PAG1: variants seen among roughly 807,000 people sequenced by gnomAD.
PAG1 encodes the protein phosphoprotein membrane anchor with glycosphingolipid microdomains 1, also known as phosphoprotein associated with glycosphingolipid-enriched microdomains 1.
Under a neutral mutation model 31.7 loss-of-function variants are expected in PAG1, and 23 were observed. The ratio of observed to expected loss-of-function variants is 0.73; its 90% CI spans 0.52 to 1.03. The LOEUF (loss-of-function observed/expected upper bound fraction) is 1.03. Ranked by LOEUF, PAG1 falls within the 50% of genes least tolerant of loss-of-function variation. The pLI is 0.00. For missense variants in PAG1, 473 were observed against 540.7 expected, an observed-to-expected ratio of 0.87 and a Z score of 1.24; for synonymous variants, 214 against 210.3, an observed-to-expected ratio of 1.02 and a Z score of -0.15.
chr8:81,007,635 T>TTAA (rs1230376855), intron 3 of PAG1, among the ~76,000 whole-genome samples: 1 of 10,144 alleles, frequency 9.9e-5, no homozygotes, highest in Non-Finnish European at 2.4e-4. Flanking sequence ...AGACTCTGTC[T>TTAA]CAAAAAAAAA....
intron 1 of PAG1, among the ~76,000 whole-genome samples, chr8:81,097,186 G>T (rs1317018238): frequency 6.6e-6 from 1 of 152,160 alleles, no homozygotes; most frequent in Admixed American, 6.5e-5. Flanking sequence ...AAATTACTGG[G>T]GGTGGGCCCT....
intron 2 of PAG1, among the ~76,000 whole-genome samples, chr8:81,035,027 C>T (rs1808440314): frequency 6.6e-6 from 1 of 152,074 alleles, no homozygotes; most frequent in African/African-American, 2.4e-5. Context: ...GGAAATAACC[C>T]TTATTTGGGT....
chr8:81,105,323 T>C (rs566678066), intron 1 of PAG1, among the ~76,000 whole-genome samples: 19 of 152,316 alleles, frequency 1.2e-4, no homozygotes, highest in Admixed American at 2.0e-4. Flanking sequence ...CATATTAATA[T>C]ATATCTGGTG....
At chr8:80,989,352 G>A (rs1353805566) in intron 5 of PAG1, among the ~76,000 whole-genome samples, 3 of 152,148 alleles carry the variant, frequency 2.0e-5, no homozygotes, top group African/African-American at 7.2e-5. Context: ...CAGCATAATC[G>A]ATCACAGCTG....
At chr8:81,025,934 C>A (rs952897320) in intron 3 of PAG1, among the ~76,000 whole-genome samples, 8 of 152,066 alleles carry the variant, frequency 5.3e-5, no homozygotes, top group African/African-American at 1.9e-4. Flanking sequence ...CCTAAAGGGG[C>A]CTGACAGTTA....
intron 3 of PAG1, among the ~76,000 whole-genome samples, chr8:80,997,665 C>T (rs1807707334): frequency 6.6e-6 from 1 of 152,214 alleles, no homozygotes; most frequent in African/African-American, 2.4e-5. Flanking sequence ...GTTAACTCTA[C>T]TAACACTTAA....
At chr8:81,098,935 GTC>G (rs963251581) in intron 1 of PAG1, among the ~76,000 whole-genome samples, 45 of 152,176 alleles carry the variant, frequency 3.0e-4, no homozygotes, top group African/African-American at 1.1e-3. Context: ...CACTGAGGCA[GTC>G]TCACAAACCT....
At position 81,072,979 on chromosome 8, in the gene PAG1, C is replaced by T. The variant is rs560992410; in HGVS notation, c.-233-2809G>A. On this transcript the variant is annotated intron_variant, in intron 1 of 8. Transcript: ENST00000220597. Reference sequence around the variant, plus strand: ...TGACAATGTTATTAAAAGCAGAACTCCTCAAAATAAAATAAGAAGTATTGC... The same window carrying T: ...TGACAATGTTATTAAAAGCAGAACTTCTCAAAATAAAATAAGAAGTATTGC... Among the ~76,000 whole-genome samples the T allele has an allele frequency of 8.5e-5, 13 of 152,322 alleles. No individual in the cohort carries two copies. The South Asian group carries it at 2.7e-3, about 32-fold the overall frequency.
intron 3 of PAG1, among the ~76,000 whole-genome samples, chr8:81,027,469 C>T (rs1808301560): frequency 6.6e-6 from 1 of 152,098 alleles, no homozygotes; most frequent in Non-Finnish European, 1.5e-5. Context: ...TAAGATTAAC[C>T]CTTACACAGG....
chr8:81,008,297 T>C (rs956606584), intron 3 of PAG1, among the ~76,000 whole-genome samples: 1 of 152,096 alleles, frequency 6.6e-6, no homozygotes, highest in African/African-American at 2.4e-5. Context: ...TGTTATAGTG[T>C]TTCAGGAATA....
chr8:80,990,612 G>GAGGAC lies in PAG1; in HGVS notation c.177+862_177+866dup, dbSNP rs1162969036. ...TTCAAAAGCACGGGCCTGGGTCAGA[G>GAGGAC]AGGACAAGGAAGGACCTGGACACTC... On this transcript the variant is annotated intron_variant, in intron 5 of 8. Transcript: ENST00000220597. The surrounding 1 kb of genome is among the most constrained non-coding windows in gnomAD (Gnocchi z 5.1). 1.3e-5 allele frequency among the ~76,000 whole-genome samples: 2 copies of GAGGAC among 152,174 alleles called. No individual in the cohort carries two copies. Among genetic ancestry groups the GAGGAC allele is most frequent in the African/African-American group, 4.8e-5 (2 of 41,446 alleles).
At chr8:81,037,868 T>G (rs939134548) in intron 2 of PAG1, among the ~76,000 whole-genome samples, 7 of 152,254 alleles carry the variant, frequency 4.6e-5, no homozygotes, top group Admixed American at 6.5e-5. Context: ...TCCAGTCCTT[T>G]CCACTCTGCA....
At chr8:81,075,510 C>T (rs924203570) in intron 1 of PAG1, among the ~76,000 whole-genome samples, 5 of 152,142 alleles carry the variant, frequency 3.3e-5, no homozygotes, top group African/African-American at 7.2e-5. Context: ...CAGATGCTGT[C>T]GTGTATGAGT....
intron 7 of PAG1, among the ~76,000 whole-genome samples, chr8:80,981,994 T>G (rs1807316146): frequency 1.3e-5 from 2 of 150,974 alleles, no homozygotes; most frequent in Middle Eastern, 6.8e-3. Flanking sequence ...GCCTCCCAAG[T>G]AGCTGGGACT....
At chr8:81,041,546 C>G (rs995263686) in intron 2 of PAG1, among the ~76,000 whole-genome samples, 2 of 152,156 alleles carry the variant, frequency 1.3e-5, no homozygotes, top group Non-Finnish European at 2.9e-5. Context: ...CATTTTAGCT[C>G]TTTGATGACT....
At chr8:81,054,748 G>C (rs912855313) in intron 2 of PAG1, among the ~76,000 whole-genome samples, 12 of 152,152 alleles carry the variant, frequency 7.9e-5, no homozygotes, top group African/African-American at 2.9e-4. Flanking sequence ...CTGTTTTATA[G>C]ATGAGTATAC....
At chr8:81,013,945 A>T (rs1364896441) in intron 3 of PAG1, among the ~76,000 whole-genome samples, 1 of 152,218 alleles carries the variant, frequency 6.6e-6, no homozygotes, top group African/African-American at 2.4e-5. Flanking sequence ...CAGTATAAAG[A>T]ACCATAGAAT....
At chr8:81,080,961 G>C (rs9650271) in intron 1 of PAG1, among the ~76,000 whole-genome samples, 1 of 152,120 alleles carries the variant, frequency 6.6e-6, no homozygotes. Context: ...GATACTAATA[G>C]CCTATGCAGA....
At position 81,051,656 on chromosome 8, in the gene PAG1, A is replaced by G. The variant is rs149832138; in HGVS notation, c.-175+18456T>C. On this transcript the variant is annotated intron_variant, in intron 2 of 8. Transcript: ENST00000220597. The stretch of plus-strand genomic sequence containing the variant: ...TTTTTGTAAAGTTAAACAACTTTAT[A>G]GAAAACAGAGAAAACAATGAACATT... Among the ~76,000 whole-genome samples, 1,177 of 152,334 alleles carry G rather than the reference A, an allele frequency of 7.7e-3. 7 individuals are homozygous for G. The highest frequency in any genetic ancestry group is 0.013 in the Non-Finnish European group (851 of 68,040).
Sources: allele counts gnomAD v4.1 joint callset (sites outside exome capture counted in the v4.1 genomes callset), GRCh38; gene constraint gnomAD v4.1.1; non-coding constraint Gnocchi (gnomAD v3.1); transcripts MANE v1.5; gene names NCBI Gene and HGNC (gene_info 2026-07-23, HGNC 2026-07-21).